The following CLASP1 variants were observed in gnomAD, a reference collection of about 807,000 sequenced individuals.
CLASP1 encodes cytoplasmic linker associated protein 1, also known as CLIP-associating protein 1.
CLASP1 carries 38 observed loss-of-function variants against 192.3 expected under a neutral mutation model. That is an observed-to-expected ratio of 0.20 (90% CI 0.15 to 0.26). The LOEUF (loss-of-function observed/expected upper bound fraction) is 0.26. Ranked by LOEUF, CLASP1 falls within the 10% of genes least tolerant of loss-of-function variation. CLASP1 has a pLI of 1.00. For synonymous variants in CLASP1, 691 were observed against 712.8 expected (o/e 0.97, Z 0.49); for missense variants, 1,433 against 1,932.5 (o/e 0.74, Z 4.85).
At chr2:121,348,834 C>A in intron 37 of CLASP1, 116 bp from the exon 39 acceptor site, 1 of 957,200 alleles carries the variant, frequency 1.0e-6, no homozygotes, top group South Asian at 1.7e-5. Flanking sequence ...CAGACGGCAG[C>A]CATTGCTTCG....
intron 1 of CLASP1, among the ~76,000 whole-genome samples, chr2:121,643,639 A>T (rs1406863114): frequency 1.3e-5 from 2 of 152,126 alleles, no homozygotes; most frequent in African/African-American, 4.8e-5. Flanking sequence ...ATAAATCTAC[A>T]AAAAAAGGGT....
At chr2:121,375,257 C>T (rs915936295) in intron 34 of CLASP1, among the ~76,000 whole-genome samples, 7 of 152,116 alleles carry the variant, frequency 4.6e-5, no homozygotes, top group Non-Finnish European at 1.0e-4. Flanking sequence ...TCTCCTTATG[C>T]CATGACTGTA....
intron 2 of CLASP1, among the ~76,000 whole-genome samples, chr2:121,601,363 TC>T (rs747037711): frequency 7.1e-4 from 108 of 151,832 alleles, no homozygotes; most frequent in Middle Eastern, 3.4e-3. Context: ...ACCTCTGCCT[TC>T]CGGGTTGAAG....
chr2:121,568,671 T>C (rs1445030116), intron 2 of CLASP1, among the ~76,000 whole-genome samples: 1 of 152,026 alleles, frequency 6.6e-6, no homozygotes, highest in Non-Finnish European at 1.5e-5. Flanking sequence ...ATTTCAATTA[T>C]AGAGAATACT....
chr2:121,490,537 T>TACTCTAC (rs2093248283), intron 8 of CLASP1, among the ~76,000 whole-genome samples: 1 of 152,236 alleles, frequency 6.6e-6, no homozygotes, highest in Admixed American at 6.5e-5. Flanking sequence ...TAAGAGAGTC[T>TACTCTAC]TCTTTAAAAG....
At chr2:121,594,283 G>C (rs1230503535) in intron 2 of CLASP1, among the ~76,000 whole-genome samples, 1 of 147,734 alleles carries the variant, frequency 6.8e-6, no homozygotes, top group Non-Finnish European at 1.5e-5. Context: ...CTGGGCGACA[G>C]AGGGAGACTC....
Position 121,614,899 on chromosome 2 carries a change from T to C in CLASP1, c.-285-8719A>G, listed in dbSNP as rs199835496. Among the ~76,000 whole-genome samples the C allele has an allele frequency of 4.6e-5, 7 of 152,330 alleles. No individual in the cohort carries two copies. In the East Asian group the frequency reaches 9.6e-4, roughly 21 times the overall value. On this transcript the variant is annotated intron_variant, in intron 1 of 39. Coordinates refer to ENST00000263710, the Ensembl canonical transcript of CLASP1. ...CTAGTAGATTTAACAAGTAAAATAC[T>C]GCACCTGCCAAATAAGGAACGTGAA... is the stretch of plus-strand genomic sequence containing the variant.
rs536402390 is a variant in CLASP1, at chr2:121,435,918, T to A, written c.1913-5741A>T. Among the ~76,000 whole-genome samples, 3 of 152,284 alleles carry A rather than the reference T, an allele frequency of 2.0e-5. No homozygotes were observed. In the South Asian group the frequency reaches 6.2e-4, roughly 32 times the overall value. ...CATGAACACTGATATGCTCCACCCT[T>A]CCTATTCAGACTATTCAGATTTCCC... On this transcript the variant is annotated intron_variant, in intron 19 of 39. Coordinates refer to ENST00000263710, the Ensembl canonical transcript of CLASP1.
chr2:121,392,951 T>A (rs544241567), intron 30 of CLASP1, among the ~76,000 whole-genome samples: 1 of 152,192 alleles, frequency 6.6e-6, no homozygotes, highest in Non-Finnish European at 1.5e-5. Context: ...GTGTTTTGAT[T>A]TTAAAAACAC....
chr2:121,618,472 C>T (rs2066806563), intron 1 of CLASP1, among the ~76,000 whole-genome samples: 2 of 152,114 alleles, frequency 1.3e-5, no homozygotes, highest in South Asian at 4.1e-4. Flanking sequence ...AGAACTGGTT[C>T]CCAACCTGTA....
chr2:121,629,902 A>T (rs1264998363), intron 1 of CLASP1, among the ~76,000 whole-genome samples: 1 of 152,122 alleles, frequency 6.6e-6, no homozygotes, highest in East Asian at 1.9e-4. Flanking sequence ...AAGGGAACAC[A>T]CTAAAATGTT....
At chr2:121,644,475 A>G (rs1439547956) in intron 1 of CLASP1, among the ~76,000 whole-genome samples, 7 of 151,876 alleles carry the variant, frequency 4.6e-5, no homozygotes, top group African/African-American at 1.7e-4. Flanking sequence ...ACATGGTAAA[A>G]CCCCGTCTCT....
At chr2:121,582,491 A>G (rs1224809684) in intron 2 of CLASP1, among the ~76,000 whole-genome samples, 1 of 150,580 alleles carries the variant, frequency 6.6e-6, no homozygotes, top group Non-Finnish European at 1.5e-5. Context: ...GGAAGGAAAG[A>G]AGGGAGGGAG....
intron 1 of CLASP1, among the ~76,000 whole-genome samples, chr2:121,635,209 T>TAAA (rs776754807): frequency 8.7e-5 from 12 of 137,294 alleles, no homozygotes; most frequent in African/African-American, 2.7e-4. Context: ...ATTGCGTCTG[T>TAAA]AAAAAAAAAA....
At chr2:121,351,613 C>T (rs1236123658) in intron 37 of CLASP1, among the ~76,000 whole-genome samples, 1 of 152,158 alleles carries the variant, frequency 6.6e-6, no homozygotes, top group African/African-American at 2.4e-5. Flanking sequence ...TGAGTAAAGG[C>T]TAGGAGTTTC....
At chr2:121,418,472 G>A in intron 23 of CLASP1, 150 bp downstream of exon 23, 1 of 621,072 alleles carries the variant, frequency 1.6e-6, no homozygotes, top group Non-Finnish European at 2.8e-6. Context: ...CATGCAGAGG[G>A]GGACAAGGGG....
intron 19 of CLASP1, chr2:121,445,635 C>CA (rs888719978): frequency 4.0e-5 from 16 of 396,300 alleles, no homozygotes; most frequent in Admixed American, 3.2e-4. Context: ...TGTTTGGGGA[C>CA]AAAATAAGGG....
intron 30 of CLASP1, among the ~76,000 whole-genome samples, chr2:121,389,556 T>A (rs766648457): frequency 6.6e-6 from 1 of 152,022 alleles, no homozygotes; most frequent in Non-Finnish European, 1.5e-5. Flanking sequence ...CCTGGAATTG[T>A]AGCAGGGAAA....
At chr2:121,476,597 C>T (rs551863377) in intron 8 of CLASP1, among the ~76,000 whole-genome samples, 3 of 152,272 alleles carry the variant, frequency 2.0e-5, no homozygotes, top group Non-Finnish European at 2.9e-5. Context: ...AAAGCCAGAA[C>T]CTAAACTACA....
Sources: gnomAD v4.1 joint callset for allele counts (sites outside exome capture counted in the v4.1 genomes callset) on GRCh38, gnomAD v4.1.1 for gene constraint, MANE v1.5 for transcripts, NCBI Gene and HGNC (gene_info 2026-07-23, HGNC 2026-07-21) for gene names.